The following RPL14 variants were observed in gnomAD, a reference collection of about 807,000 sequenced individuals.
RPL14 encodes large ribosomal subunit protein eL14.
Under a neutral mutation model 25.3 loss-of-function variants are expected in RPL14, and 4 were observed. The observed-to-expected ratio is 0.16, with a 90% CI of 0.08 to 0.36. The LOEUF is 0.36. RPL14 is among the 10% of genes least tolerant of loss of function. The pLI is 1.00. For synonymous variants in RPL14, 75 were observed against 89.8 expected, an observed-to-expected ratio of 0.84 and a Z score of 0.93; for missense variants, 212 against 261.9, an observed-to-expected ratio of 0.81 and a Z score of 1.31.
At chr3:40,461,562 A>G (rs777532192) in intron 4 of RPL14, 46 bp from the exon 5 acceptor site, 1 of 1,605,060 alleles carries the variant, frequency 6.2e-7, no homozygotes, top group East Asian at 2.2e-5. Flanking sequence ...AGGGTTCAAG[A>G]TAGTGTGAGA....
intron 3 of RPL14, 140 bp from the exon 4 acceptor site, chr3:40,461,255 TTCTGGCTTACTG>T: frequency 1.6e-6 from 1 of 635,920 alleles, no homozygotes; most frequent in South Asian, 2.0e-5. Flanking sequence ...TAATAACCTA[TTCTGGCTTACTG>T]AACACAAAAA....
rs75444710 is a variant in RPL14, at chr3:40,463,690, T to C, written c.*1458T>C. ...AATACAGGTACACAGCACTATTCAG[T>C]GTCCCTGAGGAAGAAATAGTTAACC... On this transcript the variant is annotated 3_prime_UTR_variant, in exon 6 of 6. Coordinates refer to ENST00000396203, the MANE Select transcript of RPL14 (RefSeq NM_001034996.3). 6,722 of 152,288 alleles carry C rather than the reference T, an allele frequency of 0.044. 448 individuals carry two copies. Among genetic ancestry groups the C allele is most frequent in the African/African-American group, 0.15 (6,301 of 41,526 alleles). 9.4% of individuals were successfully genotyped at this position (152,288 alleles called of 1,614,324 possible).
chr3:40,464,244 G>C lies in RPL14; in HGVS notation c.*2012G>C. ...CAAAGTGCTGGGATTACAGGCGTGA[G>C]CCACCGCTTCTGGCCAGGAATACAT... is the stretch of plus-strand genomic sequence containing the variant. On this transcript the variant is annotated 3_prime_UTR_variant, in exon 6 of 6. Coordinates refer to ENST00000396203, the MANE Select transcript of RPL14 (RefSeq NM_001034996.3). 5.6e-6 allele frequency: 2 copies of C among 354,602 alleles called. No individual in the cohort carries two copies. Among genetic ancestry groups the C allele is most frequent in the South Asian group, 4.3e-5 (2 of 46,374 alleles). 22.0% of individuals were successfully genotyped at this position (354,602 alleles called of 1,614,324 possible). A position where few individuals can be genotyped will look rare whatever the true frequency, so the allele number is the denominator to read the frequency against.
In RPL14 at chr3:40,468,467, T is replaced by C. The variant is rs1317726514; in HGVS notation, c.*6235T>C. 1 of 152,238 alleles carries C rather than the reference T, an allele frequency of 6.6e-6. No individual in the cohort carries two copies. Among genetic ancestry groups the C allele is most frequent in the Non-Finnish European group, 1.5e-5 (1 of 68,046 alleles). 9.4% of individuals were successfully genotyped at this position (152,238 alleles called of 1,614,324 possible). Reference sequence around the variant, plus strand: ...AATAGTGCACTAAATGCCCGAGTTCTGTATTTATTCTATTTGGATAGCCAT... The same window carrying C: ...AATAGTGCACTAAATGCCCGAGTTCCGTATTTATTCTATTTGGATAGCCAT... On this transcript the variant is annotated 3_prime_UTR_variant, in exon 6 of 6. Transcript: ENST00000396203.
intron 3 of RPL14, among the ~76,000 whole-genome samples, chr3:40,459,874 A>AAAAAAAAAAAAAAAAC (rs1487487888): frequency 6.6e-6 from 1 of 151,094 alleles, no homozygotes; most frequent in African/African-American, 2.4e-5. Context: ...AAAAAAAAAA[A>AAAAAAAAAAAAAAAAC]AAAAAACTTA....
At position 40,464,434 on chromosome 3, in the gene RPL14, A is replaced by G; in HGVS notation, c.*2202A>G. The G allele has an allele frequency of 2.2e-6, 1 of 456,050 alleles. No homozygotes were observed. Among genetic ancestry groups the G allele is most frequent in the Admixed American group, 2.3e-5 (1 of 42,570 alleles). 28.3% of individuals were successfully genotyped at this position (456,050 alleles called of 1,614,324 possible). Reference sequence around the variant, plus strand: ...TACTCTGGGAGGTAGAGAATTGTCTAGAGAAAGTGGCATCTATACCTAAAA... The same window carrying G: ...TACTCTGGGAGGTAGAGAATTGTCTGGAGAAAGTGGCATCTATACCTAAAA... On this transcript the variant is annotated 3_prime_UTR_variant, in exon 6 of 6. Transcript: ENST00000396203.
In RPL14 at chr3:40,462,059, G is replaced by GCTGCTGCTGCTGCTA; in HGVS notation, c.477_478insGCTGCTGCTGCTACT (p.Ala159_Lys160insAlaAlaAlaAlaThr). 3 of 1,611,410 alleles carry GCTGCTGCTGCTGCTA rather than the reference G, an allele frequency of 1.9e-6. No individual in the cohort carries two copies. The highest frequency in any genetic ancestry group is 2.5e-6 in the Non-Finnish European group (3 of 1,178,968). ...TGCTGCTGCTGCTGCTGCTGCTGCTGCTAAAGTTCCAGCAAAAAAGATCAC... is the reference window on the plus strand; with the variant it reads ...TGCTGCTGCTGCTGCTGCTGCTGCTGCTGCTGCTGCTGCTACTAAAGTTCCAGCAAAAAAGATCAC... On this transcript the variant is annotated inframe_insertion, in exon 6 of 6. Coordinates refer to ENST00000396203, the MANE Select transcript of RPL14 (RefSeq NM_001034996.3).
In RPL14 at chr3:40,462,513, A is replaced by C. The variant is rs1163490003; in HGVS notation, c.*281A>C. The C allele has an allele frequency of 4.1e-5, 11 of 269,472 alleles. No individual in the cohort carries two copies. In the East Asian group the frequency reaches 7.9e-4, roughly 19 times the overall value. The allele number at this position is 269,472 out of a possible 1,614,324, so 16.7% of individuals were successfully genotyped here. A position where few individuals can be genotyped will look rare whatever the true frequency, so the allele number is the denominator to read the frequency against. On this transcript the variant is annotated 3_prime_UTR_variant, in exon 6 of 6. Transcript: ENST00000396203. ...TGCCTCAGCCTCCTGAGCAGCTGGG[A>C]CTACAGGTGCCCGCCACCGCGCCTG...
rs1696951311 is a variant in RPL14 at position 40,462,175 on chromosome 3, T to G, written c.591T>G (p.Gly197=). The G allele has an allele frequency of 5.0e-6, 8 of 1,610,884 alleles. No homozygotes were observed. Among genetic ancestry groups the G allele is most frequent in the Non-Finnish European group, 6.8e-6 (8 of 1,178,980 alleles). ...KAAPAPKAQK[G]QKAPAQKAPA... ...CGCCTGCTCCAAAAGCTCAGAAGGG[T>G]CAAAAAGCTCCAGCCCAGAAAGCAC... The change falls in exon 6 of 6, where the codon GGT becomes GGG. Residue 197 remains glycine (G), a synonymous_variant. Coordinates refer to ENST00000396203, the MANE Select transcript of RPL14 (RefSeq NM_001034996.3).
chr3:40,457,389 G>C lies in RPL14; in HGVS notation c.-83G>C. The C allele has an allele frequency of 6.2e-7, 1 of 1,603,178 alleles. No individual in the cohort carries two copies. Among genetic ancestry groups the C allele is most frequent in the Non-Finnish European group, 8.5e-7 (1 of 1,174,486 alleles). ...GTGAGTCTTACTGTTGCGGGCTCCGGGGCCGTCGACCATGCCGCTCGACCT... is the reference window on the plus strand; with the variant it reads ...GTGAGTCTTACTGTTGCGGGCTCCGCGGCCGTCGACCATGCCGCTCGACCT... On this transcript the variant is annotated 5_prime_UTR_variant, in exon 1 of 6. Transcript: ENST00000396203.
At chr3:40,460,554 C>T (rs1397073007) in intron 3 of RPL14, among the ~76,000 whole-genome samples, 2 of 151,080 alleles carry the variant, frequency 1.3e-5, no homozygotes, top group Admixed American at 6.6e-5. Flanking sequence ...GTTTTCAACA[C>T]GTCCACTGCC....
In RPL14 at chr3:40,457,899, C is replaced by A; in HGVS notation, c.13C>A (p.Arg5Ser). The A allele has an allele frequency of 6.2e-7, 1 of 1,614,170 alleles. No homozygotes were observed. Among genetic ancestry groups the A allele is most frequent in the Non-Finnish European group, 8.5e-7 (1 of 1,179,982 alleles). The change falls in exon 2 of 6, where the codon CGC (arginine) becomes AGC (serine). Residue 5 changes from arginine (R) to serine (S), a missense_variant. Physicochemically the swap from Arg to Ser is moderately radical, Grantham distance 110 (BLOSUM62 -1). This residue lies in a region of RPL14 where 143 missense variants were observed against 180.3 expected (regional missense o/e 0.79). Transcript: ENST00000396203. ...TCTCCTCCAATTTTAGGTGTTCAGG[C>A]GCTTCGTGGAGGTTGGCCGGGTGGC... MVFR[R>S]FVEVGRVAYV...
rs971181142 is a variant in RPL14 at position 40,467,311 on chromosome 3, A to G, written c.*5079A>G. ...GAAGTCCCACAAAATACCATCTGCA[A>G]GCTGGAGAACCAGGAAAGCTGATTG... On this transcript the variant is annotated 3_prime_UTR_variant, in exon 6 of 6. Transcript: ENST00000396203. 14 of 152,218 alleles carry G rather than the reference A, an allele frequency of 9.2e-5. No individual in the cohort carries two copies. The highest frequency in any genetic ancestry group is 1.3e-4 in the Non-Finnish European group (9 of 68,048). 9.4% of individuals were successfully genotyped at this position (152,218 alleles called of 1,614,324 possible). A position where few individuals can be genotyped will look rare whatever the true frequency, so the allele number is the denominator to read the frequency against.
rs1400845400 is a variant in RPL14, at chr3:40,464,540, C to T, written c.*2308C>T. 6.6e-6 allele frequency: 3 copies of T among 455,636 alleles called. No individual in the cohort carries two copies. The highest frequency in any genetic ancestry group is 6.0e-5 in the African/African-American group (3 of 49,992). The allele number at this position is 455,636 out of a possible 1,614,324, so 28.2% of individuals were successfully genotyped here. A position where few individuals can be genotyped will look rare whatever the true frequency, so the allele number is the denominator to read the frequency against. ...GATAGTGTAGAGGACTGGCTCGGGA[C>T]CACATCAAGGAAGTAGGTTAGTGGT... On this transcript the variant is annotated 3_prime_UTR_variant, in exon 6 of 6. Transcript: ENST00000396203.
intron 3 of RPL14, 78 bp from the exon 4 acceptor site, chr3:40,461,329 C>A: frequency 1.6e-6 from 2 of 1,228,750 alleles, no homozygotes; most frequent in Non-Finnish European, 2.4e-6. Flanking sequence ...GAGTGCTTTT[C>A]AAGGAACAAA....
rs568779262 is a variant in RPL14 at position 40,461,814 on chromosome 3, T to G, written c.355-125T>G. The G allele has an allele frequency of 3.1e-6, 4 of 1,285,628 alleles. No homozygotes were observed. The East Asian group carries it at 7.1e-5, about 23-fold the overall frequency. 79.6% of individuals were successfully genotyped at this position (1,285,628 alleles called of 1,614,324 possible). On this transcript the variant is annotated intron_variant, in intron 5 of 5. Coordinates refer to ENST00000396203, the MANE Select transcript of RPL14 (RefSeq NM_001034996.3). ...GTATTTCATGATGTCCCTATGGAATTGTTACCTTTCTTCAGATGTAGTTGT... is the reference window on the plus strand; with the variant it reads ...GTATTTCATGATGTCCCTATGGAATGGTTACCTTTCTTCAGATGTAGTTGT...
chr3:40,465,787 A>C lies in RPL14; in HGVS notation c.*3555A>C, dbSNP rs1209404776. The C allele has an allele frequency of 6.6e-6, 1 of 152,236 alleles. No individual in the cohort carries two copies. The highest frequency in any genetic ancestry group is 6.5e-5 in the Admixed American group (1 of 15,274). The allele number at this position is 152,236 out of a possible 1,614,324, so 9.4% of individuals were successfully genotyped here. On this transcript the variant is annotated 3_prime_UTR_variant, in exon 6 of 6. Transcript: ENST00000396203. ...CTGCACCTAGAAAACAGTGCAATAC[A>C]GAACAGTGGAAATTGGAAATTCCAA...
chr3:40,461,574 G>T, intron 4 of RPL14, 34 bp from the exon 5 acceptor site: 1 of 1,600,056 alleles, frequency 6.2e-7, no homozygotes, highest in Non-Finnish European at 8.5e-7. Context: ...AGTGTGAGAG[G>T]GATAATTTTT....
In RPL14 at chr3:40,460,201, A is replaced by G. The variant is rs75125695; in HGVS notation, c.201-1206A>G. Among the ~76,000 whole-genome samples, 678 of 152,272 alleles carry G rather than the reference A, an allele frequency of 4.5e-3. 2 individuals carry two copies. The highest frequency in any genetic ancestry group is 0.014 in the African/African-American group (580 of 41,528). ...AAATTTTTTTTTAAAAAAAAGCCTA[A>G]CAGTTAATATTAATTACCTTGTTTG... On this transcript the variant is annotated intron_variant, in intron 3 of 5. Coordinates refer to ENST00000396203, the MANE Select transcript of RPL14 (RefSeq NM_001034996.3).
Sources: allele counts gnomAD v4.1 joint callset (sites outside exome capture counted in the v4.1 genomes callset), GRCh38; gene constraint gnomAD v4.1.1; regional missense constraint gnomAD v4.1.1; transcripts MANE v1.5; gene names NCBI Gene and HGNC (gene_info 2026-07-23, HGNC 2026-07-21).